Variants in MAMLD1 observed in about 807,000 individuals in gnomAD.
MAMLD1 encodes mastermind like domain containing 1, also known as mastermind-like domain-containing protein 1.
Under a neutral mutation model 45.0 loss-of-function variants are expected in MAMLD1, and 14 were observed. The observed-to-expected ratio is 0.31, with a 90% CI of 0.21 to 0.49. The LOEUF is 0.49. MAMLD1 is among the 20% of genes least tolerant of loss of function. The pLI is 0.99. For missense variants in MAMLD1, 543 were observed against 603.6 expected (o/e 0.90, Z 1.05); for synonymous variants, 254 against 247.8 (o/e 1.02, Z -0.24).
intron 1 of MAMLD1, among the ~76,000 whole-genome samples, chrX:150,408,040 G>A (rs1388255974): frequency 8.1e-5 from 9 of 111,657 alleles, no homozygotes; most frequent in Non-Finnish European, 1.5e-4. Flanking sequence ...TCTCAAACGG[G>A]CTCCCAAAAG....
intron 1 of MAMLD1, among the ~76,000 whole-genome samples, chrX:150,426,621 A>C (rs1184988056): frequency 8.9e-6 from 1 of 111,990 alleles, no homozygotes; most frequent in Non-Finnish European, 1.9e-5. Flanking sequence ...TTTCAGGCTC[A>C]TAGGGATAGC....
chrX:150,469,606 CCTCTCT>C (rs200460474), intron 3 of MAMLD1, 133 bp from the exon 4 acceptor site: 20 of 415,786 alleles, frequency 4.8e-5, no homozygotes, highest in East Asian at 3.8e-4. Flanking sequence ...TATAAAAATT[CCTCTCT>C]CTCTCTCTCT....
chrX:150,449,326 A>T (rs149453655), intron 2 of MAMLD1, among the ~76,000 whole-genome samples: 1 of 111,161 alleles, frequency 9.0e-6, no homozygotes, highest in Non-Finnish European at 1.9e-5. Context: ...TATCTTTCTC[A>T]CCTCTAAATG....
At chrX:150,398,618 G>A (rs1049543858) in intron 1 of MAMLD1, among the ~76,000 whole-genome samples, 2 of 110,954 alleles carry the variant, frequency 1.8e-5, no homozygotes, top group Non-Finnish European at 3.8e-5. Context: ...TGACACAATT[G>A]GGATATAGAG....
chrX:150,499,370 G>A (rs2037484788), intron 5 of MAMLD1, among the ~76,000 whole-genome samples: 1 of 111,879 alleles, frequency 8.9e-6, no homozygotes, highest in Non-Finnish European at 1.9e-5. Flanking sequence ...CGAATCACCA[G>A]AGTGGAGATT....
Position 150,471,130 on chromosome X carries a change from C to G in MAMLD1, c.1557C>G (p.Ser519Arg). The change falls in exon 4 of 8, where the codon AGC becomes AGG. Residue 519 changes from serine (S) to arginine (R), a missense_variant. By Grantham distance (110) the Ser-to-Arg change is moderately radical. Coordinates refer to ENST00000370401, the MANE Select transcript of MAMLD1 (RefSeq NM_005491.5). ...GCAGCAACTCATCCAAAACCCTGAGCATGATCATGCAGCAGGGGATGGCAA... is the reference window on the plus strand; with the variant it reads ...GCAGCAACTCATCCAAAACCCTGAGGATGATCATGCAGCAGGGGATGGCAA... ...PISSNSSKTL[S>R]MIMQQGMASS... 8.3e-7 allele frequency: 1 copy of G among 1,211,456 alleles called. No homozygotes were observed.
chrX:150,376,300 GTTACATAAGTGATAACAGTT>G (rs1557401464), intron 1 of MAMLD1, among the ~76,000 whole-genome samples: 1 of 112,259 alleles, frequency 8.9e-6, no homozygotes, highest in African/African-American at 3.2e-5. Flanking sequence ...GACTGTGACT[GTTACATAAGTGATAACAGTT>G]TTAGAAGTTT....
chrX:150,460,000 T>G (rs2035985678), intron 2 of MAMLD1, among the ~76,000 whole-genome samples: 2 of 112,261 alleles, frequency 1.8e-5, no homozygotes, highest in African/African-American at 6.5e-5. Context: ...TCTCTGTTCT[T>G]CATTTCTAAG....
chrX:150,448,056 A>T (rs2035548775), intron 2 of MAMLD1, among the ~76,000 whole-genome samples: 1 of 112,177 alleles, frequency 8.9e-6, no homozygotes, highest in Non-Finnish European at 1.9e-5. Context: ...TTGAATTTAC[A>T]TGGAAATAAT....
chrX:150,473,986 A>C (rs2036508522), intron 5 of MAMLD1, among the ~76,000 whole-genome samples, 184 bp downstream of exon 5: 1 of 111,800 alleles, frequency 8.9e-6, no homozygotes, highest in Non-Finnish European at 1.9e-5. Context: ...CCGAACAGTC[A>C]AGCTCCCTGG....
intron 1 of MAMLD1, among the ~76,000 whole-genome samples, chrX:150,377,192 G>T (rs1020293883): frequency 8.8e-6 from 1 of 113,324 alleles, no homozygotes; most frequent in Non-Finnish European, 1.9e-5. Flanking sequence ...TGCAGAGTCA[G>T]AGAGGCCTTG....
At chrX:150,484,394 C>T (rs1602978635) in intron 5 of MAMLD1, among the ~76,000 whole-genome samples, 1 of 112,411 alleles carries the variant, frequency 8.9e-6, no homozygotes, top group African/African-American at 3.2e-5. Context: ...CCTTTCCCCA[C>T]CCACCTACCC....
At chrX:150,373,225 T>C (rs781898978) in intron 1 of MAMLD1, among the ~76,000 whole-genome samples, 1 of 111,134 alleles carries the variant, frequency 9.0e-6, no homozygotes, top group Non-Finnish European at 1.9e-5. Flanking sequence ...GTCCCACATA[T>C]ATCTTTTATC....
intron 1 of MAMLD1, among the ~76,000 whole-genome samples, chrX:150,396,669 G>A (rs898742597): frequency 6.2e-5 from 7 of 112,269 alleles, no homozygotes; most frequent in Non-Finnish European, 1.1e-4. Context: ...TTTGGTAAAT[G>A]TCAGTTATAT....
At chrX:150,473,474 C>A (rs782612616) in intron 4 of MAMLD1, among the ~76,000 whole-genome samples, 57 of 112,397 alleles carry the variant, frequency 5.1e-4, no homozygotes, top group African/African-American at 1.8e-3. Flanking sequence ...GTGTCTTTTC[C>A]ATCCAGGTTT....
At chrX:150,489,765 A>C (rs1422842379) in intron 5 of MAMLD1, among the ~76,000 whole-genome samples, 1 of 110,134 alleles carries the variant, frequency 9.1e-6, no homozygotes, top group Non-Finnish European at 1.9e-5. Context: ...GTCTGCCAAA[A>C]GTCAGGCACC....
intron 2 of MAMLD1, among the ~76,000 whole-genome samples, chrX:150,447,873 C>T (rs781786687): frequency 8.9e-6 from 1 of 112,108 alleles, no homozygotes; most frequent in East Asian, 2.8e-4. Context: ...GTTTCTTGCA[C>T]CACTCTCCCT....
intron 1 of MAMLD1, among the ~76,000 whole-genome samples, chrX:150,377,292 C>T (rs782380331): frequency 2.6e-5 from 3 of 113,312 alleles, no homozygotes; most frequent in South Asian, 3.6e-4. Context: ...CTGGGCCTCA[C>T]GGTTCCCACT....
intron 2 of MAMLD1, among the ~76,000 whole-genome samples, chrX:150,458,483 G>A (rs1361175236): frequency 1.8e-5 from 2 of 111,344 alleles, no homozygotes; most frequent in East Asian, 2.8e-4. Context: ...TCTAAGACCC[G>A]GTACCTAATT....
Sources: allele counts gnomAD v4.1 joint callset (sites outside exome capture counted in the v4.1 genomes callset), GRCh38; gene constraint gnomAD v4.1.1; transcripts MANE v1.5; gene names NCBI Gene and HGNC (gene_info 2026-07-23, HGNC 2026-07-21).